Variants in GALNT10 observed in about 807,000 individuals in gnomAD.
GALNT10 encodes the protein polypeptide N-acetylgalactosaminyltransferase 10.
A neutral mutation model predicts 75.0 loss-of-function variants in GALNT10; 41 were observed. That is an observed-to-expected ratio of 0.55 (90% CI 0.43 to 0.71). GALNT10 has a LOEUF of 0.71. Among genes scored for constraint, GALNT10 ranks in the 30% least tolerant of loss-of-function variants. The pLI, the probability that GALNT10 is intolerant of heterozygous loss-of-function variation, is 0.00. For missense variants in GALNT10, 727 were observed against 818.5 expected, an observed-to-expected ratio of 0.89 and a Z score of 1.36; for synonymous variants, 302 against 313.0, an observed-to-expected ratio of 0.96 and a Z score of 0.37.
intron 1 of GALNT10, among the ~76,000 whole-genome samples, chr5:154,289,625 A>G (rs868191586): frequency 2.0e-5 from 3 of 152,234 alleles, no homozygotes; most frequent in Non-Finnish European, 4.4e-5. Flanking sequence ...CTGTAAAATG[A>G]GGCAGCTAGA....
chr5:154,369,318 G>A (rs531869366), intron 4 of GALNT10, among the ~76,000 whole-genome samples: 1 of 152,294 alleles, frequency 6.6e-6, no homozygotes, highest in East Asian at 1.9e-4. Context: ...AACCCAGGAA[G>A]CGGAGGCTGC....
chr5:154,273,316 T>C (rs1753898913), intron 1 of GALNT10, among the ~76,000 whole-genome samples: 1 of 152,132 alleles, frequency 6.6e-6, no homozygotes, highest in Non-Finnish European at 1.5e-5. Context: ...TTCTGGTGGT[T>C]TCTCCACCAT....
rs561542225 is a variant in GALNT10, at chr5:154,246,891, A to G, written c.160-47925A>G. 7.2e-5 allele frequency among the ~76,000 whole-genome samples: 11 copies of G among 152,356 alleles called. No individual in the cohort carries two copies. In the East Asian group the frequency reaches 2.1e-3, roughly 29 times the overall value. ...AGACATGAAGTCCTTGCCCATGCCT[A>G]CGTCTTGAATGGTATTGCCTAGGTT... On this transcript the variant is annotated intron_variant, in intron 1 of 11. Coordinates refer to ENST00000297107, the MANE Select transcript of GALNT10 (RefSeq NM_198321.4).
intron 1 of GALNT10, among the ~76,000 whole-genome samples, chr5:154,200,342 T>C (rs1203462891): frequency 6.6e-6 from 1 of 152,004 alleles, no homozygotes; most frequent in African/African-American, 2.4e-5. Context: ...GAGTTACAAA[T>C]GTCAGCCTCC....
chr5:154,233,903 A>G (rs1753204082), intron 1 of GALNT10, among the ~76,000 whole-genome samples: 1 of 152,138 alleles, frequency 6.6e-6, no homozygotes, highest in Non-Finnish European at 1.5e-5. Flanking sequence ...TCTCCTTATT[A>G]TCTGACCAGA....
Position 154,416,941 on chromosome 5 carries a change from C to T in GALNT10, c.1781C>T (p.Ser594Leu). Residue 594 changes from serine (S) to leucine (L), a missense_variant, in exon 12 of 12, where the codon TCA (serine) becomes TTA (leucine). Transcript: ENST00000297107. The surrounding 1 kb of genome is among the most constrained non-coding windows in gnomAD (Gnocchi z 4.5). ...TQQWLFEHTN[S>L]TVLEKFNRN is the part of the protein sequence containing the mutation. ...CAGTGGCTGTTTGAACACACCAACT[C>T]AACAGTCTTGGAAAAATTCAATAGG... 6.2e-7 allele frequency: 1 copy of T among 1,614,202 alleles called. No homozygotes were observed. Among genetic ancestry groups the T allele is most frequent in the Non-Finnish European group, 8.5e-7 (1 of 1,180,010 alleles).
chr5:154,243,202 T>C (rs531042109), intron 1 of GALNT10, among the ~76,000 whole-genome samples: 20 of 152,330 alleles, frequency 1.3e-4, no homozygotes, highest in African/African-American at 3.8e-4. Flanking sequence ...TGAAGGTGAT[T>C]AGCAGTGTGC....
At chr5:154,383,582 C>A (rs1306092797) in intron 6 of GALNT10, among the ~76,000 whole-genome samples, 1 of 152,186 alleles carries the variant, frequency 6.6e-6, no homozygotes, top group Non-Finnish European at 1.5e-5. Flanking sequence ...TCGAGCATCC[C>A]AAATGCCTTA....
At chr5:154,343,417 A>G (rs1047562171) in intron 4 of GALNT10, among the ~76,000 whole-genome samples, 8 of 152,188 alleles carry the variant, frequency 5.3e-5, no homozygotes, top group African/African-American at 1.7e-4. Context: ...GAGATAATAG[A>G]TGGGAAAGCA....
In GALNT10 at chr5:154,380,536, G is replaced by A; in HGVS notation, c.843G>A (p.Gly281=). 1 of 1,613,872 alleles carries A rather than the reference G, an allele frequency of 6.2e-7. No homozygotes were observed. The highest frequency in any genetic ancestry group is 8.5e-7 in the Non-Finnish European group (1 of 1,179,756). ...HDDFRYETQA[G]DAMRGAFDWE... is the part of the protein sequence containing the mutation. ...ACTTTCGGTACGAGACACAGGCAGGGGATGCCATGCGGGGAGCCTTTGACT... is the reference window on the plus strand; with the variant it reads ...ACTTTCGGTACGAGACACAGGCAGGAGATGCCATGCGGGGAGCCTTTGACT... The change falls in exon 6 of 12, where the codon GGG becomes GGA. Residue 281 remains glycine, a synonymous_variant. Coordinates refer to ENST00000297107, the MANE Select transcript of GALNT10 (RefSeq NM_198321.4).
chr5:154,264,536 G>A (rs1297405948), intron 1 of GALNT10, among the ~76,000 whole-genome samples: 2 of 152,040 alleles, frequency 1.3e-5, no homozygotes, highest in Non-Finnish European at 2.9e-5. Context: ...TGTATATATA[G>A]GCAGACAGCA....
intron 1 of GALNT10, among the ~76,000 whole-genome samples, chr5:154,208,542 G>A (rs1330548619): frequency 6.6e-6 from 1 of 152,060 alleles, no homozygotes. Flanking sequence ...TCACAAGTTA[G>A]TTATCAGGAT....
intron 1 of GALNT10, among the ~76,000 whole-genome samples, chr5:154,216,842 T>G (rs1467115117): frequency 1.3e-5 from 2 of 152,210 alleles, no homozygotes; most frequent in Non-Finnish European, 2.9e-5. Context: ...TATTGTCATG[T>G]TCACATCTCA....
At chr5:154,293,613 A>ATATATATATTTTTTTTTTTT in intron 1 of GALNT10, among the ~76,000 whole-genome samples, 1 of 109,360 alleles carries the variant, frequency 9.1e-6, no homozygotes, top group African/African-American at 4.2e-5. Context: ...ATATATATAT[A>ATATATATATTTTTTTTTTTT]TTTTTTTTTT....
At chr5:154,301,787 T>C (rs915245859) in intron 3 of GALNT10, among the ~76,000 whole-genome samples, 1 of 152,190 alleles carries the variant, frequency 6.6e-6, no homozygotes, top group Non-Finnish European at 1.5e-5. Flanking sequence ...CTGAGAAGTG[T>C]CCACAGGCTC....
chr5:154,214,907 C>T (rs574576000), intron 1 of GALNT10, among the ~76,000 whole-genome samples: 3 of 152,324 alleles, frequency 2.0e-5, no homozygotes, highest in African/African-American at 7.2e-5. Context: ...CCCTGCCCCA[C>T]TTCTGAAATG....
rs750888067 is a variant in GALNT10, at chr5:154,329,710, T to G, written c.540T>G (p.Ile180Met). ...NRSPPELVAEIVLVDDFSDRE... is the reference protein window; with the variant it reads ...NRSPPELVAEMVLVDDFSDRE... ...CGCCTCCAGAGCTGGTCGCCGAGAT[T>G]GTACTGGTCGACGACTTCAGTGATC... is the stretch of plus-strand genomic sequence containing the variant. The change falls in exon 4 of 12, where the codon ATT becomes ATG. Residue 180 changes from isoleucine to methionine, a missense_variant. Transcript: ENST00000297107. 6.2e-7 allele frequency: 1 copy of G among 1,613,762 alleles called. No individual in the cohort carries two copies. The highest frequency in any genetic ancestry group is 8.5e-7 in the Non-Finnish European group (1 of 1,179,724).
intron 3 of GALNT10, among the ~76,000 whole-genome samples, chr5:154,324,343 A>T (rs547154854): frequency 1.3e-5 from 2 of 152,284 alleles, no homozygotes; most frequent in African/African-American, 2.4e-5. Flanking sequence ...TGACTAATTG[A>T]TGCTTGGATA....
chr5:154,293,902 C>T (rs1249057507), intron 1 of GALNT10, among the ~76,000 whole-genome samples: 2 of 152,112 alleles, frequency 1.3e-5, no homozygotes, highest in Non-Finnish European at 2.9e-5. Context: ...CTCCATTTCT[C>T]CCCAGTGGAA....
Sources: allele counts gnomAD v4.1 joint callset (sites outside exome capture counted in the v4.1 genomes callset), GRCh38; gene constraint gnomAD v4.1.1; non-coding constraint Gnocchi (gnomAD v3.1); transcripts MANE v1.5; gene names NCBI Gene and HGNC (gene_info 2026-07-23, HGNC 2026-07-21).